Variants in TMEM26 observed in about 807,000 individuals in gnomAD.
TMEM26 encodes the protein transmembrane protein 26.
Under a neutral mutation model 28.8 loss-of-function variants are expected in TMEM26, and 38 were observed. The observed-to-expected ratio is 1.32, with a 90% CI of 1.02 to 1.73. TMEM26 has a LOEUF of 1.73. Ranked by LOEUF, TMEM26 falls within the 40% of genes most tolerant of loss-of-function variation. The pLI is 0.00. For synonymous variants in TMEM26, 227 were observed against 182.9 expected (o/e 1.24, Z -1.95); for missense variants, 518 against 447.1 (o/e 1.16, Z -1.43).
At chr10:61,412,808 G>A in intron 5 of TMEM26, 1 of 350,438 alleles carries the variant, frequency 2.9e-6, no homozygotes, top group South Asian at 4.1e-5. Context: ...GCGATGTGTG[G>A]TTGGTGGGTC....
rs1331370793 is a variant in TMEM26, at chr10:61,408,785, GAAGA to G, written c.*1533_*1536del. ...ATATTGTTAAAATTAGAAGCACAAGGAAGAAAGAAATAAAAAACATATAACAATG... is the reference window on the plus strand; with the variant it reads ...ATATTGTTAAAATTAGAAGCACAAGGAAGAAATAAAAAACATATAACAATG... On this transcript the variant is annotated 3_prime_UTR_variant, in exon 6 of 6. Coordinates refer to ENST00000399298, the MANE Select transcript of TMEM26 (RefSeq NM_178505.8). The G allele has an allele frequency of 1.3e-5, 2 of 152,058 alleles. No homozygotes were observed. The highest frequency in any genetic ancestry group is 2.1e-4 in the South Asian group (1 of 4,826). 9.4% of individuals were successfully genotyped at this position (152,058 alleles called of 1,614,324 possible).
chr10:61,431,591 G>T (rs1488070898), intron 2 of TMEM26, among the ~76,000 whole-genome samples: 1 of 152,028 alleles, frequency 6.6e-6, no homozygotes, highest in Non-Finnish European at 1.5e-5. Context: ...TCATTGCAGA[G>T]AGCTGTAGAA....
intron 2 of TMEM26, 85 bp from the exon 3 acceptor site, chr10:61,431,417 G>A (rs1056795211): frequency 1.1e-6 from 1 of 949,308 alleles, no homozygotes; most frequent in Admixed American, 1.9e-5. Flanking sequence ...CTGTTCAAGA[G>A]ATTATGAGCA....
intron 5 of TMEM26, 32 bp from the exon 6 acceptor site, chr10:61,410,778 C>T (rs1479842128): frequency 1.2e-6 from 2 of 1,600,994 alleles, no homozygotes; most frequent in Non-Finnish European, 1.7e-6. Context: ...GTTACTATCT[C>T]TCTTGGAAGT....
At position 61,452,949 on chromosome 10, in the gene TMEM26, A is replaced by G; in HGVS notation, c.133T>C (p.Leu45=). 6 of 1,614,048 alleles carry G rather than the reference A, an allele frequency of 3.7e-6. No homozygotes were observed. The highest frequency in any genetic ancestry group is 5.1e-6 in the Non-Finnish European group (6 of 1,179,994). Residue 45 remains leucine (L), a synonymous_variant, in exon 1 of 6, where the codon TTG becomes CTG. Transcript: ENST00000399298. The part of the protein sequence containing the change: ...RYWLLALLNL[L]LFLETALTLK... ...GTGAGCGCAGTCTCCAGGAAGAGCA[A>G]GAGGTTGAGCAGCGCAAGCAGCCAG...
rs1012418781 is a variant in TMEM26 at position 61,407,872 on chromosome 10, G to A, written c.*2450C>T. 3 of 152,160 alleles carry A rather than the reference G, an allele frequency of 2.0e-5. No individual in the cohort carries two copies. The Middle Eastern group carries it at 0.01, about 518-fold the overall frequency. 9.4% of individuals were successfully genotyped at this position (152,160 alleles called of 1,614,324 possible). The stretch of plus-strand genomic sequence containing the variant: ...CTTATTACAGATAAAATGTAAACAA[G>A]TCCCAGGATGTCCACACATGGGAGG... On this transcript the variant is annotated 3_prime_UTR_variant, in exon 6 of 6. Coordinates refer to ENST00000399298, the MANE Select transcript of TMEM26 (RefSeq NM_178505.8).
rs1839549782 is a variant in TMEM26, at chr10:61,410,435, T to C, written c.994A>G (p.Thr332Ala). The C allele has an allele frequency of 6.2e-7, 1 of 1,613,814 alleles. No individual in the cohort carries two copies. The highest frequency in any genetic ancestry group is 1.1e-5 in the South Asian group (1 of 91,076). The change falls in exon 6 of 6, where the codon ACC becomes GCC. Residue 332 changes from threonine (T) to alanine (A), a missense_variant. Coordinates refer to ENST00000399298, the MANE Select transcript of TMEM26 (RefSeq NM_178505.8). ...LKGEHGCRAQ[T>A]SESGPSQRDW... ...CGCTGAGAGGGCCCACTCTCAGAGG[T>C]CTGTGCCCGGCAACCATGTTCTCCT...
intron 4 of TMEM26, chr10:61,416,179 G>A (rs1339450914): frequency 1.9e-5 from 8 of 419,704 alleles, no homozygotes; most frequent in Non-Finnish European, 3.3e-5. Flanking sequence ...AGATGCAAAA[G>A]AAATTTTTCA....
chr10:61,417,422 T>A (rs1383188220), intron 4 of TMEM26, among the ~76,000 whole-genome samples: 3 of 151,044 alleles, frequency 2.0e-5, no homozygotes, highest in Admixed American at 2.0e-4. Flanking sequence ...GAAGTGTAAA[T>A]ATTCCTGTAG....
intron 4 of TMEM26, among the ~76,000 whole-genome samples, chr10:61,424,044 G>A (rs190512852): frequency 6.6e-6 from 1 of 152,246 alleles, no homozygotes; most frequent in East Asian, 1.9e-4. Flanking sequence ...AGATTGAAAT[G>A]TCTACTCTTA....
chr10:61,425,265 A>G (rs763204189), intron 4 of TMEM26, among the ~76,000 whole-genome samples: 11 of 152,124 alleles, frequency 7.2e-5, no homozygotes, highest in Non-Finnish European at 1.6e-4. Context: ...GTCACCTCCC[A>G]CCAGCTTCCT....
chr10:61,428,268 T>C (rs1347220186), intron 4 of TMEM26, among the ~76,000 whole-genome samples: 1 of 152,118 alleles, frequency 6.6e-6, no homozygotes, highest in East Asian at 1.9e-4. Flanking sequence ...AGTCGTTCCG[T>C]AAACAGATGT....
At chr10:61,452,572 C>T (rs1009751985) in intron 1 of TMEM26, 2 of 306,526 alleles carry the variant, frequency 6.5e-6, no homozygotes, top group Non-Finnish European at 1.3e-5. Flanking sequence ...TCCCAAGACT[C>T]CCCTATTTGC....
chr10:61,442,896 C>T (rs1840116947), intron 1 of TMEM26, among the ~76,000 whole-genome samples: 2 of 152,112 alleles, frequency 1.3e-5, no homozygotes, highest in South Asian at 4.1e-4. Flanking sequence ...CTCAGTATTT[C>T]CTCTACCTCT....
At chr10:61,413,963 T>C (rs989417848) in intron 4 of TMEM26, 1 of 986,642 alleles carries the variant, frequency 1.0e-6, no homozygotes, top group African/African-American at 1.7e-5. Context: ...AAGAGCTAAA[T>C]GATGATCAAA....
chr10:61,434,399 A>G (rs1839970352), intron 2 of TMEM26, among the ~76,000 whole-genome samples: 1 of 152,220 alleles, frequency 6.6e-6, no homozygotes, highest in Admixed American at 6.5e-5. Context: ...TAATTGTGCA[A>G]CAAATTTATA....
At chr10:61,425,718 C>A (rs116428489) in intron 4 of TMEM26, among the ~76,000 whole-genome samples, 1 of 152,014 alleles carries the variant, frequency 6.6e-6, no homozygotes, top group Non-Finnish European at 1.5e-5. Context: ...TAAAGAGCTG[C>A]AAATTAATGT....
rs777918034 is a variant in TMEM26, at chr10:61,452,889, A to G, written c.191+2T>C. The G allele has an allele frequency of 1.9e-6, 3 of 1,609,128 alleles. No homozygotes were observed. In the South Asian group the frequency reaches 3.3e-5, roughly 18 times the overall value. Reference sequence around the variant, plus strand: ...GCCCTCGCTTTCCCGGGGCACTCTCACCATTTGTAGCCTCTGCCGCGCTTG... The same window carrying G: ...GCCCTCGCTTTCCCGGGGCACTCTCGCCATTTGTAGCCTCTGCCGCGCTTG... On this transcript the variant is annotated splice_donor_variant, in intron 1 of 5. Transcript: ENST00000399298. LOFTEE classifies it high-confidence loss of function.
At chr10:61,432,778 C>G (rs1046392613) in intron 2 of TMEM26, among the ~76,000 whole-genome samples, 1 of 152,120 alleles carries the variant, frequency 6.6e-6, no homozygotes, top group Non-Finnish European at 1.5e-5. Context: ...TTTTTCTACT[C>G]TCTTTCCAAA....
Sources: gnomAD v4.1 joint callset for allele counts (sites outside exome capture counted in the v4.1 genomes callset) on GRCh38, gnomAD v4.1.1 for gene constraint, MANE v1.5 for transcripts, NCBI Gene and HGNC (gene_info 2026-07-23, HGNC 2026-07-21) for gene names.